Variants in HHLA2 observed in about 807,000 individuals in gnomAD.
The protein encoded by HHLA2 is HHLA2 member of B7 family.
In HHLA2, 48 loss-of-function variants were observed where a neutral mutation model predicts 45.9. That is an observed-to-expected ratio of 1.05 (90% confidence interval 0.83 to 1.33). The LOEUF is 1.33. Among genes scored for constraint, HHLA2 ranks in the 40% most tolerant of loss-of-function variants. HHLA2 has a pLI of 0.00. For synonymous variants in HHLA2, 161 were observed against 173.9 expected (o/e 0.93, Z 0.59); for missense variants, 462 against 494.3 (o/e 0.93, Z 0.62).
intron 2 of HHLA2, among the ~76,000 whole-genome samples, chr3:108,316,454 T>G (rs920287179): frequency 3.3e-5 from 5 of 152,216 alleles, no homozygotes; most frequent in African/African-American, 4.8e-5. Context: ...CTAAATTTGC[T>G]TAAATGTCTC....
At chr3:108,336,427 A>G (rs1051867989) in intron 3 of HHLA2, among the ~76,000 whole-genome samples, 4 of 152,164 alleles carry the variant, frequency 2.6e-5, no homozygotes, top group African/African-American at 9.7e-5. Flanking sequence ...ACCTATTCCC[A>G]AAATTTTTAC....
intron 10 of HHLA2, 60 bp from the exon 10 acceptor site, chr3:108,377,198 T>C: frequency 8.8e-7 from 1 of 1,134,200 alleles, no homozygotes; most frequent in Non-Finnish European, 1.3e-6. Context: ...ATATTTAAGA[T>C]ATAAATGGTT....
In HHLA2 at chr3:108,345,662, C is replaced by CT. The variant is rs1382870896; in HGVS notation, c.-26-6125dup. On this transcript the variant is annotated intron_variant, in intron 3 of 10. Coordinates refer to ENST00000619531, the Ensembl canonical transcript of HHLA2. ...CCTTCCTCCTTGGGAAGTGCAGCAGCTGCAGAATCCAGACATGACCCAAGG... is the reference window on the plus strand; with the variant it reads ...CCTTCCTCCTTGGGAAGTGCAGCAGCTTGCAGAATCCAGACATGACCCAAGG... Among the ~76,000 whole-genome samples the CT allele has an allele frequency of 1.4e-4, 21 of 152,310 alleles. No homozygotes were observed. The East Asian group carries it at 3.7e-3, about 27-fold the overall frequency.
intron 2 of HHLA2, among the ~76,000 whole-genome samples, chr3:108,312,553 T>A (rs145072794): frequency 6.6e-6 from 1 of 152,216 alleles, no homozygotes; most frequent in Admixed American, 6.5e-5. Context: ...TGGGAAGCTA[T>A]GATGTTTCCC....
intron 2 of HHLA2, among the ~76,000 whole-genome samples, chr3:108,317,251 G>A (rs1445118724): frequency 2.0e-5 from 3 of 152,170 alleles, no homozygotes; most frequent in African/African-American, 7.2e-5. Flanking sequence ...CTGTAGAAGT[G>A]GATATACGGT....
At chr3:108,341,590 T>C (rs1404426280) in intron 3 of HHLA2, among the ~76,000 whole-genome samples, 1 of 121,698 alleles carries the variant, frequency 8.2e-6, no homozygotes, top group Non-Finnish European at 1.7e-5. Flanking sequence ...TTGTTTTTCA[T>C]TGATTTATTT....
intron 1 of HHLA2, among the ~76,000 whole-genome samples, chr3:108,310,026 G>C (rs1355206634): frequency 6.6e-6 from 1 of 151,996 alleles, no homozygotes; most frequent in Non-Finnish European, 1.5e-5. Context: ...TTATTTTGCT[G>C]CTTAAAATTT....
At chr3:108,373,949 G>A (rs1354909046) in intron 8 of HHLA2, among the ~76,000 whole-genome samples, 1 of 150,874 alleles carries the variant, frequency 6.6e-6, no homozygotes, top group Non-Finnish European at 1.5e-5. Context: ...AGCTACCAAT[G>A]ACTTTCTTCA....
intron 7 of HHLA2, among the ~76,000 whole-genome samples, chr3:108,360,581 A>G (rs558650006): frequency 1.3e-5 from 2 of 152,364 alleles, no homozygotes; most frequent in African/African-American, 4.8e-5. Flanking sequence ...AGTCAGTCTG[A>G]TAACTGAGAT....
rs150185774 is a variant in HHLA2, at chr3:108,354,048, T to G, written c.418+268T>G. Among the ~76,000 whole-genome samples the G allele has an allele frequency of 3.4e-4, 52 of 152,290 alleles. No individual in the cohort carries two copies. The East Asian group carries it at 9.0e-3, about 27-fold the overall frequency. ...TTGTACTTAATACTGGGAAATAATC[T>G]GAAAGCAAAGTACCAGAAGATTTAA... On this transcript the variant is annotated intron_variant, in intron 5 of 10. Transcript: ENST00000619531.
intron 1 of HHLA2, among the ~76,000 whole-genome samples, chr3:108,303,182 A>G (rs1407120957): frequency 6.6e-6 from 1 of 152,164 alleles, no homozygotes; most frequent in African/African-American, 2.4e-5. Context: ...CTTACATTGT[A>G]TTTATGTATC....
chr3:108,301,045 G>C (rs2080840178), intron 1 of HHLA2, among the ~76,000 whole-genome samples: 1 of 152,054 alleles, frequency 6.6e-6, no homozygotes, highest in Non-Finnish European at 1.5e-5. Flanking sequence ...GGAAAGGAAG[G>C]AATTATACAT....
At chr3:108,357,766 T>C in intron 6 of HHLA2, 78 bp from the exon 6 acceptor site, 1 of 1,212,630 alleles carries the variant, frequency 8.2e-7, no homozygotes, top group Non-Finnish European at 1.2e-6. Flanking sequence ...CTTTGTTCTC[T>C]GCTTTCTAAG....
At chr3:108,300,947 AAC>A (rs1368284839) in intron 1 of HHLA2, among the ~76,000 whole-genome samples, 2 of 152,222 alleles carry the variant, frequency 1.3e-5, no homozygotes, top group African/African-American at 2.4e-5. Flanking sequence ...TTTAGCTTCT[AAC>A]ACAGCTGAAA....
intron 6 of HHLA2, among the ~76,000 whole-genome samples, chr3:108,357,257 G>A (rs752269481): frequency 3.3e-5 from 5 of 152,146 alleles, no homozygotes; most frequent in South Asian, 2.1e-4. Flanking sequence ...ACTACAGAAC[G>A]GGAAGGACAA....
chr3:108,373,992 T>C (rs2082227544), intron 8 of HHLA2, among the ~76,000 whole-genome samples: 3 of 151,154 alleles, frequency 2.0e-5, no homozygotes, highest in Admixed American at 1.3e-4. Context: ...AAAGTTCATA[T>C]GGAACCAAAA....
chr3:108,326,835 C>T (rs983552408), intron 2 of HHLA2: 1 of 152,414 alleles, frequency 6.6e-6, no homozygotes, highest in South Asian at 2.1e-4. Context: ...GAAAGAGAGA[C>T]TTTAATGATG....
chr3:108,358,030 A>T, exon 7 of HHLA2: 2 of 1,613,780 alleles, frequency 1.2e-6, no homozygotes, highest in South Asian at 2.2e-5. Flanking sequence ...TTCTCATGGA[A>T]CAAAGAGCTG....
At chr3:108,318,861 C>T (rs1427140615) in intron 2 of HHLA2, among the ~76,000 whole-genome samples, 4 of 152,192 alleles carry the variant, frequency 2.6e-5, no homozygotes, top group Admixed American at 2.0e-4. Flanking sequence ...CTGGAATTCC[C>T]CAGAGATTCA....
Sources: allele counts gnomAD v4.1 joint callset (sites outside exome capture counted in the v4.1 genomes callset), GRCh38; gene constraint gnomAD v4.1.1; transcripts MANE v1.5; gene names NCBI Gene and HGNC (gene_info 2026-07-23, HGNC 2026-07-21).